The following ACE variants were observed in gnomAD, a reference collection of about 807,000 sequenced individuals.
ACE encodes angiotensin-converting enzyme.
ACE carries 122 observed loss-of-function variants against 162.3 expected under a neutral mutation model. The observed-to-expected ratio is 0.75, with a 90% confidence interval of 0.65 to 0.87. ACE has a LOEUF of 0.87. Ranked by LOEUF, ACE falls within the 40% of genes least tolerant of loss-of-function variation. ACE has a pLI of 0.00. For synonymous variants in ACE, 796 were observed against 720.6 expected (o/e 1.10, Z -1.68); for missense variants, 1,799 against 1,735.1 (o/e 1.04, Z -0.65).
chr17:63,482,852 C>T (rs1051291274), intron 8 of ACE, among the ~76,000 whole-genome samples, 163 bp downstream of exon 8: 9 of 152,144 alleles, frequency 5.9e-5, no homozygotes, highest in Non-Finnish European at 1.2e-4. Context: ...GCACACTGCG[C>T]CCAGCTCAGC....
intron 23 of ACE, 75 bp downstream of exon 23, chr17:63,496,591 G>C: frequency 6.2e-7 from 1 of 1,610,874 alleles, no homozygotes; most frequent in Admixed American, 1.7e-5. Flanking sequence ...CTGTCCACTG[G>C]AGCTTTTGTG....
chr17:63,479,251 C>G (rs777825248), intron 3 of ACE, 151 bp downstream of exon 3: 1 of 712,418 alleles, frequency 1.4e-6, no homozygotes, highest in Non-Finnish European at 2.5e-6. Context: ...GGTGCAGATA[C>G]CCCCACGCCC....
At chr17:63,490,485 G>A (rs1022695475) in intron 17 of ACE, 7 of 208,130 alleles carry the variant, frequency 3.4e-5, no homozygotes, top group East Asian at 1.2e-4. Context: ...GTGGGCCCCC[G>A]GCGAGGGGGG....
At chr17:63,481,209 T>A (rs1372107991) in intron 6 of ACE, 21 bp downstream of exon 6, 1 of 668,686 alleles carries the variant, frequency 1.5e-6, no homozygotes, top group Non-Finnish European at 2.4e-6. Flanking sequence ...GGCTCAAGCC[T>A]GGGGTGGTGG....
In ACE at chr17:63,487,001, T is replaced by C. The variant is rs1240703640; in HGVS notation, c.2233T>C (p.Leu745=). The part of the protein sequence containing the change: ...QELEEYNKIL[L]DMETTYSVAT... The stretch of plus-strand genomic sequence containing the variant: ...CCTCCTGCAGTACAACAAGATCCTG[T>C]TGGATATGGAAACCACCTACAGCGT... Residue 745 remains leucine (L), a synonymous_variant, in exon 15 of 25, where the codon TTG becomes CTG. Coordinates refer to ENST00000290866, the MANE Select transcript of ACE (RefSeq NM_000789.4). 6.2e-7 allele frequency: 1 copy of C among 1,613,736 alleles called. No homozygotes were observed. The highest frequency in any genetic ancestry group is 1.3e-5 in the African/African-American group (1 of 74,934).
At chr17:63,480,304 C>T in intron 4 of ACE, 33 bp from the exon 5 acceptor site, 1 of 1,610,870 alleles carries the variant, frequency 6.2e-7, no homozygotes, top group South Asian at 1.1e-5. Flanking sequence ...GAGCCTTTGG[C>T]CTGAGCTACA....
At chr17:63,483,726 C>T (rs2029861265) in intron 10 of ACE, 123 bp from the exon 11 acceptor site, 3 of 1,552,182 alleles carry the variant, frequency 1.9e-6, no homozygotes, top group African/African-American at 2.7e-5. Context: ...TTGGGTCTCC[C>T]TTCTCCCCCA....
Position 63,487,054 on chromosome 17 carries a change from C to T in ACE, c.2286C>T (p.Ser762=), listed in dbSNP as rs2030000801. 6.2e-7 allele frequency: 1 copy of T among 1,613,380 alleles called. No individual in the cohort carries two copies. The highest frequency in any genetic ancestry group is 8.5e-7 in the Non-Finnish European group (1 of 1,179,982). Residue 762 remains serine, a synonymous_variant, in exon 15 of 25, where the codon AGC becomes AGT. Transcript: ENST00000290866. ...SVATVCHPNG[S]CLQLEPDLTN... ...CCACTGTGTGCCACCCGAATGGCAG[C>T]TGCCTGCAGCTCGAGCCAGGTGAGA...
chr17:63,496,162 C>G, intron 22 of ACE: 1 of 578,476 alleles, frequency 1.7e-6, no homozygotes, highest in East Asian at 3.1e-5. Context: ...GGAGGCAGCT[C>G]TGTGGGTGGG....
Position 63,493,430 on chromosome 17 carries a change from T to C in ACE, c.2913-6T>C. ...AACACCCTCTCCCCCACTCCACTAT[T>C]CCTAGGATCAAGCAGTGCACCACCG... On this transcript the variant is annotated splice_polypyrimidine_tract_variant and splice_region_variant and intron_variant, in intron 19 of 24. Coordinates refer to ENST00000290866, the MANE Select transcript of ACE (RefSeq NM_000789.4). 6.2e-7 allele frequency: 1 copy of C among 1,613,688 alleles called. No individual in the cohort carries two copies. The highest frequency in any genetic ancestry group is 8.5e-7 in the Non-Finnish European group (1 of 1,179,832).
intron 9 of ACE, 124 bp downstream of exon 9, chr17:63,483,297 C>G (rs1350740078): frequency 6.5e-7 from 1 of 1,547,468 alleles, no homozygotes; most frequent in Non-Finnish European, 8.9e-7. Context: ...CGCTGTGACC[C>G]ACCGCCTTCT....
chr17:63,494,155 A>AGTGT (rs150234417), intron 21 of ACE, 89 bp downstream of exon 21: 5 of 1,495,716 alleles, frequency 3.3e-6, no homozygotes, highest in Admixed American at 1.8e-5. Flanking sequence ...AGGGTAGGGG[A>AGTGT]GTGTGTGTGT....
At chr17:63,481,796 G>A (rs2049714939) in intron 7 of ACE, 58 bp downstream of exon 7, 2 of 1,610,302 alleles carry the variant, frequency 1.2e-6, no homozygotes, top group Admixed American at 3.3e-5. Context: ...CCGGGGAAAG[G>A]CAGGCAGCCC....
chr17:63,487,125 G>C (rs771173664), intron 15 of ACE, 52 bp downstream of exon 15: 1 of 1,513,646 alleles, frequency 6.6e-7, no homozygotes, highest in African/African-American at 1.4e-5. Context: ...GACTGGCATG[G>C]GGCCCGGGGG....
At chr17:63,481,213 G>A in intron 6 of ACE, 25 bp downstream of exon 6, 2 of 1,573,526 alleles carry the variant, frequency 1.3e-6, no homozygotes, top group Non-Finnish European at 1.7e-6. Context: ...CAAGCCTGGG[G>A]TGGTGGGGGT....
rs1176792351 is a variant in ACE at position 63,484,389 on chromosome 17, G to A, written c.1769G>A (p.Gly590Asp). 2 of 1,611,948 alleles carry A rather than the reference G, an allele frequency of 1.2e-6. No individual in the cohort carries two copies. The highest frequency in any genetic ancestry group is 1.7e-6 in the Non-Finnish European group (2 of 1,179,884). The part of the protein sequence containing the change: ...PWQEVLKDMV[G>D]LDALDAQPLL... The stretch of plus-strand genomic sequence containing the variant: ...CAGGAGGTGCTGAAGGACATGGTCG[G>A]CTTAGATGCCCTGGATGCCCAGCCG... Residue 590 changes from glycine to aspartate, a missense_variant, in exon 12 of 25, where the codon GGC (glycine) becomes GAC (aspartate). Gly to Asp is a moderately conservative substitution (Grantham distance 94). Transcript: ENST00000290866. The surrounding 1 kb of genome is among the most constrained non-coding windows in gnomAD (Gnocchi z 4.0).
At chr17:63,494,572 A>G (rs969999418) in intron 22 of ACE, 102 bp downstream of exon 22, 1 of 1,128,108 alleles carries the variant, frequency 8.9e-7, no homozygotes, top group Non-Finnish European at 1.3e-6. Flanking sequence ...CAGTCAGGGC[A>G]GACCCGGGGG....
At chr17:63,483,732 C>A in intron 10 of ACE, 117 bp from the exon 11 acceptor site, 1 of 1,565,876 alleles carries the variant, frequency 6.4e-7, no homozygotes, top group African/African-American at 1.4e-5. Context: ...CTCCCTTCTC[C>A]CCCAAGATAG....
intron 5 of ACE, among the ~76,000 whole-genome samples, 156 bp downstream of exon 5, chr17:63,480,684 C>T (rs951980761): frequency 2.0e-5 from 3 of 152,180 alleles, no homozygotes; most frequent in East Asian, 3.9e-4. Flanking sequence ...GGAGACCATT[C>T]GTGTTCCCAC....
Sources: allele counts gnomAD v4.1 joint callset (sites outside exome capture counted in the v4.1 genomes callset), GRCh38; gene constraint gnomAD v4.1.1; non-coding constraint Gnocchi (gnomAD v3.1); transcripts MANE v1.5; gene names NCBI Gene and HGNC (gene_info 2026-07-23, HGNC 2026-07-21).